EGFR: variants seen among roughly 807,000 people sequenced by gnomAD.
EGFR encodes avian erythroblastic leukemia viral (v-erb-b) oncogene homolog.
In EGFR, 58 loss-of-function variants were observed where a neutral mutation model predicts 143.0. The observed-to-expected ratio is 0.41, with a 90% CI of 0.33 to 0.50. The LOEUF is 0.50. Among genes scored for constraint, EGFR ranks in the 20% least tolerant of loss-of-function variants. The pLI is 0.39. For missense variants in EGFR, 1,307 were observed against 1,579.0 expected, an observed-to-expected ratio of 0.83 and a Z score of 2.92; for synonymous variants, 613 against 594.4, an observed-to-expected ratio of 1.03 and a Z score of -0.45.
At position 55,023,277 on chromosome 7, in the gene EGFR, G is replaced by C. The variant is rs141999594; in HGVS notation, c.88+3912G>C. On this transcript the variant is annotated intron_variant, in intron 1 of 27. Transcript: ENST00000275493. ...TATTTAACATTGGGTTTTACTAATA[G>C]GGGTATGTGTTGAGAAAATTTCAAA... Among the ~76,000 whole-genome samples, 572 of 152,306 alleles carry C rather than the reference G, an allele frequency of 3.8e-3. 1 individual carries two copies. Among genetic ancestry groups the C allele is most frequent in the African/African-American group, 0.013 (528 of 41,560 alleles).
At chr7:55,022,926 A>G (rs987016296) in intron 1 of EGFR, among the ~76,000 whole-genome samples, 6 of 152,240 alleles carry the variant, frequency 3.9e-5, no homozygotes, top group Non-Finnish European at 8.8e-5. Flanking sequence ...AAGATGAAGG[A>G]TTCCTCCCTG....
At chr7:55,023,301 A>G (rs972983572) in intron 1 of EGFR, among the ~76,000 whole-genome samples, 3 of 152,182 alleles carry the variant, frequency 2.0e-5, no homozygotes, top group African/African-American at 7.2e-5. Context: ...GAAAATTTCA[A>G]AGTTTTAGAA....
At chr7:55,071,321 G>A (rs1319255020) in intron 1 of EGFR, among the ~76,000 whole-genome samples, 2 of 152,168 alleles carry the variant, frequency 1.3e-5, no homozygotes, top group Non-Finnish European at 2.9e-5. Context: ...AGACTTTAGG[G>A]GCAAAAGAAA....
At chr7:55,202,442 T>C in intron 26 of EGFR, 75 bp from the exon 27 acceptor site, 2 of 1,252,918 alleles carry the variant, frequency 1.6e-6, no homozygotes, top group South Asian at 2.6e-5. Context: ...CTCAAGGAGA[T>C]CTCGGGTGAT....
At chr7:55,116,820 G>C (rs939579552) in intron 1 of EGFR, among the ~76,000 whole-genome samples, 1 of 152,220 alleles carries the variant, frequency 6.6e-6, no homozygotes, top group Non-Finnish European at 1.5e-5. Context: ...TCCATGCTGT[G>C]CTGCAAAATT....
chr7:55,170,596 T>C, intron 15 of EGFR: 1 of 1,608,230 alleles, frequency 6.2e-7, no homozygotes. Context: ...CTGCCACCCC[T>C]GCACGTGGGC....
At chr7:55,171,958 C>G (rs1044609056) in intron 16 of EGFR, among the ~76,000 whole-genome samples, 3 of 152,214 alleles carry the variant, frequency 2.0e-5, no homozygotes, top group African/African-American at 7.2e-5. Flanking sequence ...TCCTCCGCCC[C>G]CGAGTTGACA....
chr7:55,096,619 GACT>G (rs1411863461), intron 1 of EGFR, among the ~76,000 whole-genome samples: 3 of 152,184 alleles, frequency 2.0e-5, no homozygotes, highest in African/African-American at 7.2e-5. Flanking sequence ...GAAATAAAGT[GACT>G]GACCAGGAGT....
rs763652153 is a variant in EGFR, at chr7:55,192,365, G to A, written c.2626-401G>A. Among the ~76,000 whole-genome samples, 6 of 152,170 alleles carry A rather than the reference G, an allele frequency of 3.9e-5. No individual in the cohort carries two copies. The South Asian group carries it at 1.0e-3, about 26-fold the overall frequency. ...AGGGACCCTCACAGCACTAAGGGGT[G>A]CGCGTCCCCTGTCAGGCCCTCGAAT... On this transcript the variant is annotated intron_variant, in intron 21 of 27. Coordinates refer to ENST00000275493, the MANE Select transcript of EGFR (RefSeq NM_005228.5).
intron 19 of EGFR, among the ~76,000 whole-genome samples, chr7:55,177,464 G>A (rs769864842): frequency 1.3e-5 from 2 of 152,164 alleles, no homozygotes; most frequent in African/African-American, 2.4e-5. Flanking sequence ...CCCCACAGCC[G>A]GCACACACAC....
chr7:55,086,092 G>A (rs183297698), intron 1 of EGFR, among the ~76,000 whole-genome samples: 31 of 152,218 alleles, frequency 2.0e-4, no homozygotes, highest in Non-Finnish European at 3.5e-4. Context: ...GTCCCGTGCC[G>A]TGCAATTTTT....
At chr7:55,041,518 A>G (rs569954619) in intron 1 of EGFR, among the ~76,000 whole-genome samples, 10 of 152,238 alleles carry the variant, frequency 6.6e-5, no homozygotes, top group Non-Finnish European at 1.3e-4. Context: ...CACCAGATAA[A>G]TACATTGACT....
In EGFR at chr7:55,155,814, A is replaced by G. The variant is rs767820212; in HGVS notation, c.890-16A>G. ...GTGCCACCGTCATCACCTTCCTTTC[A>G]TGCTCTCTTCCCCAGGTAATTATGT... On this transcript the variant is annotated splice_polypyrimidine_tract_variant and intron_variant, in intron 7 of 27. Transcript: ENST00000275493. 11 of 1,611,312 alleles carry G rather than the reference A, an allele frequency of 6.8e-6. No homozygotes were observed. In the South Asian group the frequency reaches 1.1e-4, roughly 16 times the overall value.
intron 15 of EGFR, among the ~76,000 whole-genome samples, chr7:55,166,749 GTT>G (rs1562777299): frequency 2.5e-4 from 35 of 139,154 alleles, no homozygotes; most frequent in African/African-American, 9.5e-4. Context: ...TGATGATGGT[GTT>G]GATGGTGGTG....
At chr7:55,097,137 A>G (rs1207542598) in intron 1 of EGFR, among the ~76,000 whole-genome samples, 2 of 152,180 alleles carry the variant, frequency 1.3e-5, no homozygotes, top group African/African-American at 4.8e-5. Flanking sequence ...TTGTCAAAAT[A>G]CATATTTCTG....
At chr7:55,019,467 C>A in intron 1 of EGFR, 102 bp downstream of exon 1, 1 of 581,412 alleles carries the variant, frequency 1.7e-6, no homozygotes, top group Non-Finnish European at 2.3e-6. Flanking sequence ...GCGCCCGCGC[C>A]CCCGCCCGTC....
At chr7:55,031,775 T>A (rs1265897391) in intron 1 of EGFR, among the ~76,000 whole-genome samples, 1 of 152,234 alleles carries the variant, frequency 6.6e-6, no homozygotes, top group Non-Finnish European at 1.5e-5. Flanking sequence ...GAGAATTGGG[T>A]GCTAAGGCAA....
Position 55,156,583 on chromosome 7 carries a change from G to T in EGFR, c.1057G>T (p.Ala353Ser), listed in dbSNP as rs2128938273. 1 of 1,614,218 alleles carries T rather than the reference G, an allele frequency of 6.2e-7. No individual in the cohort carries two copies. Among genetic ancestry groups the T allele is most frequent in the Non-Finnish European group, 8.5e-7 (1 of 1,180,052 alleles). Residue 353 changes from alanine (A) to serine (S), a missense_variant, in exon 9 of 28, where the codon GCT becomes TCT. Physicochemically the swap from Ala to Ser is moderately conservative, Grantham distance 99 (BLOSUM62 1). Coordinates refer to ENST00000275493, the MANE Select transcript of EGFR (RefSeq NM_005228.5). Reference protein sequence around the residue: ...GEFKDSLSINATNIKHFKNCT... With the variant: ...GEFKDSLSINSTNIKHFKNCT... ...ATTTAAAGACTCACTCTCCATAAAT[G>T]CTACGAATATTAAACACTTCAAAAA... is the stretch of plus-strand genomic sequence containing the variant.
intron 19 of EGFR, among the ~76,000 whole-genome samples, chr7:55,177,665 C>T (rs1342720398): frequency 3.3e-5 from 5 of 152,172 alleles, no homozygotes; most frequent in African/African-American, 1.2e-4. Flanking sequence ...AAGGAAGGAA[C>T]CAAAAGTCAT....
Sources: gnomAD v4.1 joint callset for allele counts (sites outside exome capture counted in the v4.1 genomes callset) on GRCh38, gnomAD v4.1.1 for gene constraint, MANE v1.5 for transcripts, NCBI Gene and HGNC (gene_info 2026-07-23, HGNC 2026-07-21) for gene names.